Variants in DLGAP3 observed in about 807,000 individuals in gnomAD.
DLGAP3 encodes the protein DLG associated protein 3, also known as disks large-associated protein 3.
A neutral mutation model predicts 81.2 loss-of-function variants in DLGAP3; 17 were observed. The ratio of observed to expected loss-of-function variants is 0.21; its 90% CI spans 0.14 to 0.31. DLGAP3 has a LOEUF of 0.31. DLGAP3 is among the 10% of genes least tolerant of loss of function. The pLI is 1.00. For synonymous variants in DLGAP3, 577 were observed against 587.4 expected, an observed-to-expected ratio of 0.98 and a Z score of 0.26; for missense variants, 1,124 against 1,388.0, an observed-to-expected ratio of 0.81 and a Z score of 3.02.
chr1:34,881,410 G>C (rs888873488), intron 8 of DLGAP3, among the ~76,000 whole-genome samples: 5 of 152,182 alleles, frequency 3.3e-5, no homozygotes, highest in African/African-American at 1.2e-4. Context: ...GATGAAACTG[G>C]TTGTGTGTAA....
Position 34,904,687 on chromosome 1 carries a change from G to C in DLGAP3, c.697C>G (p.His233Asp). Residue 233 changes from histidine (H) to aspartate (D), a missense_variant, in exon 3 of 12, where the codon CAC becomes GAC. By Grantham distance (81) the His-to-Asp change is moderately conservative (BLOSUM62 -1). Transcript: ENST00000373347. The surrounding 1 kb of genome is among the most constrained non-coding windows in gnomAD (Gnocchi z 8.1). ...CTCTTGCCGTGCCGGGACTGGTGGTGGTGGTGATGGTGGTGGTGATGGTGG... is the reference window on the plus strand; with the variant it reads ...CTCTTGCCGTGCCGGGACTGGTGGTCGTGGTGATGGTGGTGGTGATGGTGG... ...HHHHHHHHHH[H>D]HQSRHGKRSK... 1 of 1,613,782 alleles carries C rather than the reference G, an allele frequency of 6.2e-7. No homozygotes were observed. Among genetic ancestry groups the C allele is most frequent in the Non-Finnish European group, 8.5e-7 (1 of 1,179,988 alleles).
chr1:34,884,577 C>T (rs948333707), intron 8 of DLGAP3, among the ~76,000 whole-genome samples: 1 of 150,620 alleles, frequency 6.6e-6, no homozygotes. Flanking sequence ...AGGCAATCTT[C>T]CCGTTTGTTT....
intron 5 of DLGAP3, among the ~76,000 whole-genome samples, chr1:34,896,569 A>G (rs1418639627): frequency 7.3e-6 from 1 of 136,880 alleles, no homozygotes; most frequent in Non-Finnish European, 1.6e-5. Flanking sequence ...GGCCTGGGCA[A>G]CAGAGCCAGA....
chr1:34,877,206 C>T (rs530288966), intron 8 of DLGAP3, among the ~76,000 whole-genome samples: 2 of 152,216 alleles, frequency 1.3e-5, no homozygotes, highest in African/African-American at 2.4e-5. Context: ...CCCAAACCTG[C>T]GCAGCAAGGG....
intron 5 of DLGAP3, 25 bp downstream of exon 5, chr1:34,899,643 TC>T: frequency 6.3e-7 from 1 of 1,588,690 alleles, no homozygotes; most frequent in Non-Finnish European, 8.6e-7. Context: ...CACTCTTTCC[TC>T]CAGGCATACT....
rs779286632 is a variant in DLGAP3, at chr1:34,867,661, G to A, written c.2486-34C>T. 6.5e-7 allele frequency: 1 copy of A among 1,540,714 alleles called. No homozygotes were observed. On this transcript the variant is annotated intron_variant, in intron 9 of 11. Coordinates refer to ENST00000373347, the MANE Select transcript of DLGAP3 (RefSeq NM_001080418.3). The surrounding 1 kb of genome is among the most constrained non-coding windows in gnomAD (Gnocchi z 4.3). Reference sequence around the variant, plus strand: ...CAGAAGGAAATTCAGGGAGGGAAATGATGCATCTCCTTCCCCAGCCTCCAC... The same window carrying A: ...CAGAAGGAAATTCAGGGAGGGAAATAATGCATCTCCTTCCCCAGCCTCCAC...
chr1:34,903,403 A>T (rs1213682292), intron 3 of DLGAP3, among the ~76,000 whole-genome samples: 1 of 152,240 alleles, frequency 6.6e-6, no homozygotes, highest in African/African-American at 2.4e-5. Flanking sequence ...ACGCTCATTG[A>T]ATAAATAGAT....
intron 3 of DLGAP3, among the ~76,000 whole-genome samples, chr1:34,901,812 A>G (rs1381743410): frequency 6.6e-6 from 1 of 152,204 alleles, no homozygotes; most frequent in African/African-American, 2.4e-5. Flanking sequence ...TAAGAACTCG[A>G]TTATGAAGGA....
intron 8 of DLGAP3, among the ~76,000 whole-genome samples, chr1:34,871,996 G>A (rs938022998): frequency 4.6e-5 from 7 of 152,110 alleles, no homozygotes; most frequent in Non-Finnish European, 7.4e-5. Context: ...AGCAGGAGGC[G>A]CTTATCCCTG....
At chr1:34,880,855 G>GA (rs906821158) in intron 8 of DLGAP3, among the ~76,000 whole-genome samples, 6 of 151,564 alleles carry the variant, frequency 4.0e-5, no homozygotes, top group African/African-American at 1.5e-4. Flanking sequence ...AATGATTCAA[G>GA]AAAAAAAATA....
At chr1:34,885,948 C>T (rs1184548432) in intron 6 of DLGAP3, 124 bp downstream of exon 6, 16 of 1,189,124 alleles carry the variant, frequency 1.3e-5, no homozygotes, top group Non-Finnish European at 1.7e-5. Context: ...ACGCTCTCCC[C>T]GTCATCCGAC....
chr1:34,868,802 G>C lies in DLGAP3; in HGVS notation c.2288C>G (p.Thr763Ser). 6.3e-7 allele frequency: 1 copy of C among 1,583,636 alleles called. No individual in the cohort carries two copies. Among genetic ancestry groups the C allele is most frequent in the African/African-American group, 1.3e-5 (1 of 74,644 alleles). Residue 763 changes from threonine to serine, a missense_variant, in exon 9 of 12, where the codon ACC becomes AGC. Coordinates refer to ENST00000373347, the MANE Select transcript of DLGAP3 (RefSeq NM_001080418.3). The surrounding 1 kb of genome is among the most constrained non-coding windows in gnomAD (Gnocchi z 7.5). ...ACGGCGGCCGGCCCCAGGGCCGGGG[G>C]TGGGGGCGGGGGCAGGGCCGGGCGA... ...DGSPGPAPAP[T>S]PGPGAGRRDS... is the part of the protein sequence containing the mutation.
In DLGAP3 at chr1:34,873,693, T is replaced by C. The variant is rs1234031839; in HGVS notation, c.2001-4604A>G. On this transcript the variant is annotated intron_variant, in intron 8 of 11. Coordinates refer to ENST00000373347, the MANE Select transcript of DLGAP3 (RefSeq NM_001080418.3). This position sits in a 1 kb window ranked among gnomAD's most constrained non-coding sequence, Gnocchi z 4.2. The stretch of plus-strand genomic sequence containing the variant: ...TATTAATTATTATGATTGCTGTTGA[T>C]CATTTCCATCTGTTCTCCCACAGCG... Among the ~76,000 whole-genome samples the C allele has an allele frequency of 6.6e-6, 1 of 152,206 alleles. No individual in the cohort carries two copies. Among genetic ancestry groups the C allele is most frequent in the African/African-American group, 2.4e-5 (1 of 41,448 alleles).
chr1:34,875,301 G>C (rs4652866), intron 8 of DLGAP3, among the ~76,000 whole-genome samples: 64,912 of 152,024 alleles, frequency 0.43, 14,457 homozygotes, highest in East Asian at 0.78. Flanking sequence ...GTGGCCCTTC[G>C]TGGGCACAAG....
intron 5 of DLGAP3, among the ~76,000 whole-genome samples, chr1:34,890,731 C>G (rs1639298030): frequency 6.6e-6 from 1 of 152,182 alleles, no homozygotes; most frequent in African/African-American, 2.4e-5. Flanking sequence ...CCAGTGAAGC[C>G]TTGAGATGCT....
rs138692778 is a variant in DLGAP3, at chr1:34,895,260, C to T, written c.1386+4409G>A. ...GCGGGCGCCTGTAGTCTCAGCTACT[C>T]CGGAGACTGAGGCAGAAGAATGGCG... On this transcript the variant is annotated intron_variant, in intron 5 of 11. Transcript: ENST00000373347. This position sits in a 1 kb window ranked among gnomAD's most constrained non-coding sequence, Gnocchi z 4.5. 6.5e-3 allele frequency among the ~76,000 whole-genome samples: 983 copies of T among 151,650 alleles called. 13 individuals are homozygous for T. Among genetic ancestry groups the T allele is most frequent in the African/African-American group, 0.018 (731 of 41,390 alleles).
At chr1:34,911,451 C>A (rs1253364910) in intron 1 of DLGAP3, among the ~76,000 whole-genome samples, 1 of 152,152 alleles carries the variant, frequency 6.6e-6, no homozygotes. Context: ...ATTTTTATTG[C>A]ACCAAATCAT....
At chr1:34,919,248 C>A (rs1639764609) in intron 1 of DLGAP3, among the ~76,000 whole-genome samples, 1 of 152,186 alleles carries the variant, frequency 6.6e-6, no homozygotes, top group African/African-American at 2.4e-5. Flanking sequence ...GAGGAAGTGT[C>A]AAAGAGGATC....
Position 34,865,683 on chromosome 1 carries a change from A to G in DLGAP3, c.*400T>C. 1 of 297,518 alleles carries G rather than the reference A, an allele frequency of 3.4e-6. No individual in the cohort carries two copies. Among genetic ancestry groups the G allele is most frequent in the Non-Finnish European group, 6.5e-6 (1 of 154,396 alleles). The allele number at this position is 297,518 out of a possible 1,614,324, so 18.4% of individuals were successfully genotyped here. A position where few individuals can be genotyped will look rare whatever the true frequency, so the allele number is the denominator to read the frequency against. ...GGTTCGGGATTCTTCATAAAAAGCC[A>G]CGAAGCTTGATCCCCACGAAGCCCA... On this transcript the variant is annotated 3_prime_UTR_variant, in exon 12 of 12. Transcript: ENST00000373347.
Sources: allele counts gnomAD v4.1 joint callset (sites outside exome capture counted in the v4.1 genomes callset), GRCh38; gene constraint gnomAD v4.1.1; non-coding constraint Gnocchi (gnomAD v3.1); transcripts MANE v1.5; gene names NCBI Gene and HGNC (gene_info 2026-07-23, HGNC 2026-07-21).